ENOX1: variants seen among roughly 807,000 people sequenced by gnomAD.
ENOX1 encodes the protein candidate growth-related and time keeping constitutive hydroquinone (NADH) oxidase.
In ENOX1, 42 loss-of-function variants were observed where a neutral mutation model predicts 82.5. The ratio of observed to expected loss-of-function variants is 0.51; its 90% CI spans 0.40 to 0.66. The LOEUF is 0.66. Among genes scored for constraint, ENOX1 ranks in the 30% least tolerant of loss-of-function variants. ENOX1 has a pLI of 0.00. For missense variants in ENOX1, 608 were observed against 811.6 expected (o/e 0.75, Z 3.05); for synonymous variants, 271 against 282.2 (o/e 0.96, Z 0.40).
At chr13:43,695,517 A>G (rs686684) in intron 1 of ENOX1, among the ~76,000 whole-genome samples, 137,358 of 149,540 alleles carry the variant, frequency 0.92, 63,316 homozygotes, top group East Asian at 1. Flanking sequence ...GCGTGATCTC[A>G]GCTTATTGCA....
intron 1 of ENOX1, among the ~76,000 whole-genome samples, chr13:43,750,311 C>T (rs1950240985): frequency 1.3e-5 from 2 of 152,174 alleles, no homozygotes; most frequent in African/African-American, 2.4e-5. Context: ...TTAGAAGGCT[C>T]CATGCTTTGT....
chr13:43,442,911 T>C (rs78025761), intron 3 of ENOX1, among the ~76,000 whole-genome samples: 6,969 of 152,262 alleles, frequency 0.046, 550 homozygotes, highest in African/African-American at 0.16. Flanking sequence ...AGAATATCTG[T>C]TGTATAAATT....
At chr13:43,683,960 T>C (rs1336039636) in intron 1 of ENOX1, among the ~76,000 whole-genome samples, 1 of 152,062 alleles carries the variant, frequency 6.6e-6, no homozygotes, top group African/African-American at 2.4e-5. Flanking sequence ...AAGATGTACA[T>C]GTCTGTAAAG....
At chr13:43,699,884 T>C (rs2153808171) in intron 1 of ENOX1, among the ~76,000 whole-genome samples, 1 of 152,338 alleles carries the variant, frequency 6.6e-6, no homozygotes, top group Non-Finnish European at 1.5e-5. Context: ...GTACAATGTG[T>C]ATGCATGTAT....
chr13:43,497,172 G>A (rs1215861663), intron 2 of ENOX1, among the ~76,000 whole-genome samples: 1 of 152,020 alleles, frequency 6.6e-6, no homozygotes, highest in South Asian at 2.1e-4. Flanking sequence ...AGACTCCATA[G>A]GATTTTCTAT....
intron 1 of ENOX1, among the ~76,000 whole-genome samples, chr13:43,740,115 A>G (rs11843855): frequency 0.011 from 1,669 of 152,248 alleles, 26 homozygotes; most frequent in African/African-American, 0.037. Flanking sequence ...GAATATGGGG[A>G]ATGTGTTCCC....
chr13:43,772,749 T>TAAAAAAGAAAAA (rs1951710295), intron 1 of ENOX1, among the ~76,000 whole-genome samples: 1 of 112,110 alleles, frequency 8.9e-6, no homozygotes, highest in African/African-American at 3.9e-5. Context: ...ACTCTGTCTT[T>TAAAAAAGAAAAA]AAAAAAAAAA....
chr13:43,241,342 C>T (rs772260284), intron 14 of ENOX1, among the ~76,000 whole-genome samples: 2 of 152,084 alleles, frequency 1.3e-5, no homozygotes, highest in African/African-American at 2.4e-5. Flanking sequence ...ATGAGTCTAC[C>T]AGATATTCCA....
At chr13:43,442,013 C>T (rs142544564) in intron 3 of ENOX1, among the ~76,000 whole-genome samples, 6 of 152,116 alleles carry the variant, frequency 3.9e-5, no homozygotes, top group Admixed American at 2.6e-4. Context: ...TGCCCAGACA[C>T]GAGAGAGATC....
At chr13:43,271,238 A>G (rs1032865119) in intron 12 of ENOX1, among the ~76,000 whole-genome samples, 7 of 152,186 alleles carry the variant, frequency 4.6e-5, no homozygotes, top group African/African-American at 7.2e-5. Context: ...TGTCCAGAAG[A>G]AGGGAGGTGG....
chr13:43,785,911 G>C (rs1270681374), intron 1 of ENOX1, among the ~76,000 whole-genome samples: 2 of 152,154 alleles, frequency 1.3e-5, no homozygotes, highest in Admixed American at 1.3e-4. Flanking sequence ...CACGTGTCGG[G>C]TCCGGAGAGG....
intron 2 of ENOX1, among the ~76,000 whole-genome samples, chr13:43,570,826 C>G (rs1460586413): frequency 6.6e-6 from 1 of 152,060 alleles, no homozygotes; most frequent in Non-Finnish European, 1.5e-5. Flanking sequence ...ATGGGCAAAG[C>G]AGGAAGGATT....
intron 2 of ENOX1, among the ~76,000 whole-genome samples, chr13:43,533,135 C>T (rs1320427430): frequency 3.3e-5 from 5 of 152,184 alleles, no homozygotes; most frequent in African/African-American, 1.2e-4. Flanking sequence ...AGGACTACTA[C>T]GTAAATCCTA....
chr13:43,337,290 G>C (rs1178531444), intron 9 of ENOX1, among the ~76,000 whole-genome samples: 1 of 152,234 alleles, frequency 6.6e-6, no homozygotes, highest in African/African-American at 2.4e-5. Flanking sequence ...AAGTGGCACA[G>C]TGAGGTAGAA....
intron 2 of ENOX1, among the ~76,000 whole-genome samples, chr13:43,585,411 G>A (rs527813892): frequency 6.6e-6 from 1 of 152,258 alleles, no homozygotes; most frequent in South Asian, 2.1e-4. Flanking sequence ...TATATTGGTG[G>A]CAATTTGTTA....
At position 43,543,108 on chromosome 13, in the gene ENOX1, G is replaced by C. The variant is rs573600791; in HGVS notation, c.-218-58956C>G. ...CGAGTATGCATGAGGGCTGAGAGGA[G>C]GGGAGTATGTATGTTACACATGGGG... On this transcript the variant is annotated intron_variant, in intron 2 of 16. Coordinates refer to ENST00000690772, the MANE Select transcript of ENOX1 (RefSeq NM_001347969.2). 1.4e-4 allele frequency among the ~76,000 whole-genome samples: 21 copies of C among 152,260 alleles called. No individual in the cohort carries two copies. In the South Asian group the frequency reaches 3.7e-3, roughly 27 times the overall value.
chr13:43,741,434 G>C (rs183850326), intron 1 of ENOX1, among the ~76,000 whole-genome samples: 75 of 152,212 alleles, frequency 4.9e-4, no homozygotes, highest in African/African-American at 1.7e-3. Context: ...ATTCTCCATA[G>C]CCTCAACAAC....
chr13:43,774,870 AT>A (rs1951827211), intron 1 of ENOX1, among the ~76,000 whole-genome samples: 1 of 151,618 alleles, frequency 6.6e-6, no homozygotes, highest in Admixed American at 6.6e-5. Context: ...TTTTTTTGAG[AT>A]GGAGTTTCGC....
intron 5 of ENOX1, among the ~76,000 whole-genome samples, chr13:43,399,023 G>T (rs1406012646): frequency 6.6e-6 from 1 of 151,534 alleles, no homozygotes; most frequent in Admixed American, 6.6e-5. Flanking sequence ...CAAACTCCTG[G>T]ACTCAAGCAA....
Sources: allele counts gnomAD v4.1 joint callset (sites outside exome capture counted in the v4.1 genomes callset), GRCh38; gene constraint gnomAD v4.1.1; transcripts MANE v1.5; gene names NCBI Gene and HGNC (gene_info 2026-07-23, HGNC 2026-07-21).